The following AGBL1 variants were observed in gnomAD, a reference collection of about 807,000 sequenced individuals.
AGBL1 encodes the protein AGBL carboxypeptidase 1.
A neutral mutation model predicts 118.9 loss-of-function variants in AGBL1; 130 were observed. The ratio of observed to expected loss-of-function variants is 1.09; its 90% CI spans 0.95 to 1.26. The LOEUF (loss-of-function observed/expected upper bound fraction) is 1.26. AGBL1 is among the 50% of genes most tolerant of loss of function. AGBL1 has a pLI of 0.00. For synonymous variants in AGBL1, 555 were observed against 478.9 expected (o/e 1.16, Z -2.08); for missense variants, 1,584 against 1,298.1 (o/e 1.22, Z -3.38).
chr15:86,825,160 G>C (rs1334719438), intron 22 of AGBL1, among the ~76,000 whole-genome samples: 1 of 151,768 alleles, frequency 6.6e-6, no homozygotes, highest in African/African-American at 2.4e-5. Flanking sequence ...TTGAAGGGAG[G>C]AAATCATTTT....
At chr15:86,529,912 A>C (rs1228158549) in intron 19 of AGBL1, among the ~76,000 whole-genome samples, 1 of 139,946 alleles carries the variant, frequency 7.1e-6, no homozygotes, top group Non-Finnish European at 1.5e-5. Flanking sequence ...AAATGCTGAG[A>C]GATTTTGTCA....
At chr15:86,450,700 T>C (rs773593071) in intron 18 of AGBL1, among the ~76,000 whole-genome samples, 1 of 152,246 alleles carries the variant, frequency 6.6e-6, no homozygotes, top group Non-Finnish European at 1.5e-5. Context: ...GACTGTGACT[T>C]TGAAGAGGCT....
chr15:86,925,194 GAA>G (rs2080523498), intron 23 of AGBL1, among the ~76,000 whole-genome samples: 1 of 101,780 alleles, frequency 9.8e-6, no homozygotes, highest in East Asian at 2.7e-4. Context: ...AGGAAGAAAA[GAA>G]GAAAAGAAGA....
At chr15:86,264,171 G>A in intron 10 of AGBL1, 87 bp from the exon 11 acceptor site, 1 of 1,130,980 alleles carries the variant, frequency 8.8e-7, no homozygotes, top group Non-Finnish European at 1.2e-6. Context: ...GCTTAGCTCT[G>A]TGCCCAGAGA....
chr15:86,543,454 C>T (rs970897827), intron 19 of AGBL1, among the ~76,000 whole-genome samples: 10 of 152,200 alleles, frequency 6.6e-5, no homozygotes, highest in South Asian at 2.1e-4. Context: ...CTTTTACTGT[C>T]GTGTGTTTCA....
At chr15:86,136,648 T>C (rs557975800) in intron 1 of AGBL1, among the ~76,000 whole-genome samples, 2 of 152,330 alleles carry the variant, frequency 1.3e-5, no homozygotes, top group Admixed American at 6.5e-5. Context: ...GTACCCATGA[T>C]ACTCTTGGTA....
chr15:86,958,649 A>G (rs1313735647), intron 23 of AGBL1, among the ~76,000 whole-genome samples: 1 of 152,190 alleles, frequency 6.6e-6, no homozygotes, highest in Non-Finnish European at 1.5e-5. Context: ...TCAGTTGAAA[A>G]GCTAAAGCAA....
At chr15:86,502,693 T>G (rs2082931562) in intron 18 of AGBL1, among the ~76,000 whole-genome samples, 1 of 151,440 alleles carries the variant, frequency 6.6e-6, no homozygotes, top group Non-Finnish European at 1.5e-5. Context: ...TTGTCTTTTA[T>G]TCTGTTAACA....
intron 1 of AGBL1, among the ~76,000 whole-genome samples, chr15:86,120,104 T>C (rs1024767465): frequency 2.6e-5 from 4 of 152,160 alleles, no homozygotes; most frequent in Non-Finnish European, 1.5e-5. Context: ...CCATTGCCTA[T>C]AGGATAAAAT....
chr15:86,331,007 T>C (rs1300379828), intron 17 of AGBL1, among the ~76,000 whole-genome samples: 5 of 152,044 alleles, frequency 3.3e-5, no homozygotes, highest in Admixed American at 6.6e-5. Context: ...AGGTGGATCA[T>C]GATGTCAGGA....
intron 22 of AGBL1, among the ~76,000 whole-genome samples, chr15:86,749,810 T>A (rs948589016): frequency 6.6e-6 from 1 of 152,094 alleles, no homozygotes; most frequent in African/African-American, 2.4e-5. Context: ...GCTGGATTAC[T>A]TTTATTGATT....
At chr15:86,447,655 G>A (rs2142064078) in intron 18 of AGBL1, among the ~76,000 whole-genome samples, 1 of 152,212 alleles carries the variant, frequency 6.6e-6, no homozygotes, top group Non-Finnish European at 1.5e-5. Flanking sequence ...ATCCCAAATA[G>A]GTAGGGAATC....
intron 22 of AGBL1, among the ~76,000 whole-genome samples, chr15:86,748,766 A>T (rs1393578336): frequency 6.6e-6 from 1 of 151,926 alleles, no homozygotes; most frequent in Non-Finnish European, 1.5e-5. Flanking sequence ...TTAAATAGGG[A>T]ATCCTTTCCC....
At chr15:86,119,544 C>T (rs1897963307) in intron 1 of AGBL1, among the ~76,000 whole-genome samples, 1 of 152,104 alleles carries the variant, frequency 6.6e-6, no homozygotes, top group African/African-American at 2.4e-5. Flanking sequence ...TGATCTGCCC[C>T]CCCGGACCCA....
At chr15:86,371,086 G>T (rs78751201) in intron 17 of AGBL1, among the ~76,000 whole-genome samples, 23,787 of 152,176 alleles carry the variant, frequency 0.16, 2,024 homozygotes, top group African/African-American at 0.2. Context: ...AGAAAGCCCA[G>T]GTTCAGGAAG....
chr15:86,170,484 AG>A (rs1468834043), intron 5 of AGBL1, among the ~76,000 whole-genome samples: 1 of 152,114 alleles, frequency 6.6e-6, no homozygotes, highest in East Asian at 1.9e-4. Flanking sequence ...TAAAAATGAT[AG>A]GGACACAGGA....
chr15:86,753,239 C>G (rs940128317), intron 22 of AGBL1, among the ~76,000 whole-genome samples: 2 of 151,928 alleles, frequency 1.3e-5, no homozygotes, highest in African/African-American at 4.8e-5. Context: ...CTGGCTCAAT[C>G]TCCATTCTTG....
intron 21 of AGBL1, among the ~76,000 whole-genome samples, chr15:86,569,685 C>A (rs925067958): frequency 6.6e-6 from 1 of 152,172 alleles, no homozygotes; most frequent in African/African-American, 2.4e-5. Context: ...CTGTCAGCAT[C>A]ATGATAGAAT....
intron 22 of AGBL1, among the ~76,000 whole-genome samples, chr15:86,865,698 A>G (rs1020117466): frequency 2.0e-5 from 3 of 152,204 alleles, no homozygotes; most frequent in African/African-American, 7.2e-5. Context: ...ATGTCACAGC[A>G]TGTTATAACT....
Sources: gnomAD v4.1 joint callset for allele counts (sites outside exome capture counted in the v4.1 genomes callset) on GRCh38, gnomAD v4.1.1 for gene constraint, MANE v1.5 for transcripts, NCBI Gene and HGNC (gene_info 2026-07-23, HGNC 2026-07-21) for gene names.